The following TNRC6A variants were observed in gnomAD, a reference collection of about 807,000 sequenced individuals.
TNRC6A encodes the protein trinucleotide repeat containing adaptor 6A.
A neutral mutation model predicts 221.2 loss-of-function variants in TNRC6A; 44 were observed. The ratio of observed to expected loss-of-function variants is 0.20; its 90% CI spans 0.16 to 0.26. TNRC6A has a LOEUF of 0.26. Ranked by LOEUF, TNRC6A falls within the 10% of genes least tolerant of loss-of-function variation. The probability of loss-of-function intolerance (pLI) is 1.00; values close to 1 mark genes in which losing one functional copy is unlikely to be tolerated. For missense variants in TNRC6A, 2,199 were observed against 2,404.4 expected (o/e 0.91, Z 1.79); for synonymous variants, 847 against 838.5 (o/e 1.01, Z -0.18).
chr16:24,642,204 G>T (rs933694755), intron 2 of TNRC6A, among the ~76,000 whole-genome samples: 3 of 152,186 alleles, frequency 2.0e-5, no homozygotes, highest in Non-Finnish European at 4.4e-5. Flanking sequence ...GTGTGAGGAG[G>T]CTCAGATCTG....
chr16:24,675,541 C>G (rs2055391699), intron 2 of TNRC6A, among the ~76,000 whole-genome samples: 1 of 150,810 alleles, frequency 6.6e-6, no homozygotes, highest in Admixed American at 6.6e-5. Context: ...ATTAGCTGGG[C>G]ATGGTGGTGC....
chr16:24,805,300 TGTA>T, intron 14 of TNRC6A, 149 bp downstream of exon 14: 1 of 1,188,510 alleles, frequency 8.4e-7, no homozygotes, highest in Non-Finnish European at 1.2e-6. Flanking sequence ...TAAAAAAGGT[TGTA>T]GTAAGGAAAA....
intron 2 of TNRC6A, among the ~76,000 whole-genome samples, chr16:24,697,256 A>C (rs1201041870): frequency 6.6e-6 from 1 of 152,210 alleles, no homozygotes; most frequent in Non-Finnish European, 1.5e-5. Context: ...AATGACAGAA[A>C]CTACCTACGT....
At position 24,707,429 on chromosome 16, in the gene TNRC6A, T is replaced by C. The variant is rs115990158; in HGVS notation, n.403-43297T>C. 4.4e-3 allele frequency among the ~76,000 whole-genome samples: 667 copies of C among 150,878 alleles called. 6 individuals are homozygous for C. The highest frequency in any genetic ancestry group is 0.016 in the African/African-American group (638 of 41,150). ...TAAGCCAGACACAAAACTCAGATGC[T>C]AAAAAGAAAAAATTAGCTACATAAA... On this transcript the variant is annotated intron_variant and non_coding_transcript_variant, in intron 2 of 2. Coordinates refer to the TNRC6A transcript ENST00000566108.
At chr16:24,712,597 A>G (rs1192688583) in intron 2 of TNRC6A, among the ~76,000 whole-genome samples, 1 of 151,858 alleles carries the variant, frequency 6.6e-6, no homozygotes, top group African/African-American at 2.4e-5. Flanking sequence ...TGTAGATAAC[A>G]TTCTTTCATG....
intron 19 of TNRC6A, chr16:24,816,004 G>A (rs1374813100): frequency 6.5e-6 from 1 of 152,802 alleles, no homozygotes; most frequent in African/African-American, 2.4e-5. Context: ...AAAGCTTAAA[G>A]CACTTTTAAA....
At position 24,822,040 on chromosome 16, in the gene TNRC6A, C is replaced by T. The variant is rs749198836; in HGVS notation, c.5303-37C>T. The T allele has an allele frequency of 1.7e-5, 28 of 1,606,236 alleles. No homozygotes were observed. The Admixed American group carries it at 4.7e-4, about 27-fold the overall frequency. On this transcript the variant is annotated intron_variant, in intron 22 of 24. Coordinates refer to ENST00000395799, the MANE Select transcript of TNRC6A (RefSeq NM_014494.4). Reference sequence around the variant, plus strand: ...GTAACTGTAGTTGGGCTCTTTCAGTCCTGGAAAACTGACTTGTCCTTTTTT... The same window carrying T: ...GTAACTGTAGTTGGGCTCTTTCAGTTCTGGAAAACTGACTTGTCCTTTTTT...
At position 24,823,506 on chromosome 16, in the gene TNRC6A, G is replaced by A. The variant is rs1264435700; in HGVS notation, c.5588G>A (p.Ser1863Asn). Reference sequence around the variant, plus strand: ...GAGATCAGTCGTTTCTTTGCACAAAGCCAGTCTCTGACCCCTTCTCCCGGC... The same window carrying A: ...GAGATCAGTCGTTTCTTTGCACAAAACCAGTCTCTGACCCCTTCTCCCGGC... ...EEEISRFFAQSQSLTPSPGWQ... is the reference protein window; with the variant it reads ...EEEISRFFAQNQSLTPSPGWQ... The change falls in exon 25 of 25, where the codon AGC (serine) becomes AAC (asparagine). Residue 1863 changes from serine to asparagine, a missense_variant. Transcript: ENST00000395799. The surrounding 1 kb of genome is among the most constrained non-coding windows in gnomAD (Gnocchi z 4.3). The A allele has an allele frequency of 1.9e-6, 3 of 1,614,030 alleles. No individual in the cohort carries two copies. Among genetic ancestry groups the A allele is most frequent in the Non-Finnish European group, 2.5e-6 (3 of 1,180,040 alleles).
intron 1 of TNRC6A, among the ~76,000 whole-genome samples, chr16:24,625,737 C>CAAAAAAAAAAAAA (rs749882396): frequency 3.7e-4 from 9 of 24,008 alleles, no homozygotes; most frequent in Admixed American, 5.3e-4. Context: ...CGTCTCAAAA[C>CAAAAAAAAAAAAA]AAAAAAAAAA....
intron 1 of TNRC6A, among the ~76,000 whole-genome samples, chr16:24,634,237 A>C (rs1427002628): frequency 3.9e-5 from 6 of 151,984 alleles, no homozygotes; most frequent in Admixed American, 3.9e-4. Context: ...GGCCAGCCTA[A>C]ACTACATGGC....
At chr16:24,734,027 T>G (rs146056689) in intron 2 of TNRC6A, among the ~76,000 whole-genome samples, 1 of 152,118 alleles carries the variant, frequency 6.6e-6, no homozygotes, top group Non-Finnish European at 1.5e-5. Context: ...TTTAAAAAAT[T>G]AGCTGGGTGT....
chr16:24,665,058 A>G (rs2055129054), intron 2 of TNRC6A: 1 of 446,504 alleles, frequency 2.2e-6, no homozygotes, highest in Non-Finnish European at 4.5e-6. Flanking sequence ...TAACTTATTT[A>G]TTTATTTGTT....
intron 2 of TNRC6A, among the ~76,000 whole-genome samples, chr16:24,657,317 C>CAAAAAAAAAAAAAAA (rs56241898): frequency 2.3e-5 from 2 of 88,170 alleles, no homozygotes; most frequent in African/African-American, 1.0e-4. Context: ...GACCCTATCT[C>CAAAAAAAAAAAAAAA]AAAAAAAAAA....
In TNRC6A at chr16:24,823,603, C is replaced by A. The variant is rs144884929; in HGVS notation, c.5685C>A (p.Thr1895=). The change falls in exon 25 of 25, where the codon ACC becomes ACA. Residue 1895 remains threonine (T), a synonymous_variant. Transcript: ENST00000395799. The surrounding 1 kb of genome is among the most constrained non-coding windows in gnomAD (Gnocchi z 4.3). ...LDCSHSFSSR[T]DLNHWNGAGL... ...GTTCCCACTCATTCTCCAGCCGGACCGATCTCAATCACTGGAATGGTGCTG... is the reference window on the plus strand; with the variant it reads ...GTTCCCACTCATTCTCCAGCCGGACAGATCTCAATCACTGGAATGGTGCTG... 3.7e-6 allele frequency: 6 copies of A among 1,614,026 alleles called. No homozygotes were observed. Among genetic ancestry groups the A allele is most frequent in the Non-Finnish European group, 5.1e-6 (6 of 1,180,020 alleles).
chr16:24,788,377 A>G (rs994992107), intron 5 of TNRC6A, among the ~76,000 whole-genome samples: 2 of 152,252 alleles, frequency 1.3e-5, no homozygotes, highest in African/African-American at 4.8e-5. Flanking sequence ...TTCAGGTTGA[A>G]TACGGACACT....
At chr16:24,797,652 T>C (rs1325962663) in intron 10 of TNRC6A, 82 bp downstream of exon 10, 3 of 1,224,270 alleles carry the variant, frequency 2.5e-6, no homozygotes, top group Non-Finnish European at 3.4e-6. Flanking sequence ...TTAAGAATTA[T>C]TTTTCATCTT....
intron 5 of TNRC6A, among the ~76,000 whole-genome samples, chr16:24,782,451 A>T (rs2057871527): frequency 6.6e-6 from 1 of 152,206 alleles, no homozygotes; most frequent in African/African-American, 2.4e-5. Context: ...ACAATGGCAG[A>T]GTTAAATAGT....
At chr16:24,746,247 A>G (rs1203110756) in intron 2 of TNRC6A, among the ~76,000 whole-genome samples, 1 of 152,016 alleles carries the variant, frequency 6.6e-6, no homozygotes, top group Non-Finnish European at 1.5e-5. Flanking sequence ...AATTGTAGGA[A>G]TTTTTTTCCT....
intron 14 of TNRC6A, 137 bp from the exon 15 acceptor site, chr16:24,805,468 A>T: frequency 7.9e-7 from 1 of 1,270,936 alleles, no homozygotes; most frequent in Non-Finnish European, 1.1e-6. Flanking sequence ...TCAGTTAGTA[A>T]GACAGAGACA....
Sources: allele counts gnomAD v4.1 joint callset (sites outside exome capture counted in the v4.1 genomes callset), GRCh38; gene constraint gnomAD v4.1.1; non-coding constraint Gnocchi (gnomAD v3.1); transcripts MANE v1.5; gene names NCBI Gene and HGNC (gene_info 2026-07-23, HGNC 2026-07-21).